The following FBN1 variants were observed in gnomAD, a reference collection of about 807,000 sequenced individuals.
The protein encoded by FBN1 is fibrillin 1.
A neutral mutation model predicts 365.1 loss-of-function variants in FBN1; 29 were observed. That is an observed-to-expected ratio of 0.08 (90% CI 0.06 to 0.11). The LOEUF is 0.11. Among genes scored for constraint, FBN1 ranks in the 10% least tolerant of loss-of-function variants. FBN1 has a pLI of 1.00. For synonymous variants in FBN1, 1,210 were observed against 1,270.5 expected, an observed-to-expected ratio of 0.95 and a Z score of 1.01; for missense variants, 2,476 against 3,703.2, an observed-to-expected ratio of 0.67 and a Z score of 8.60.
rs146044644 is a variant in FBN1, at chr15:48,516,233, G to A, written c.1277C>T (p.Pro426Leu). ...PPGFPPGPQI[P>L]VPRPPVEYLY... ...ATATTCCACTGGTGGTCGAGGGACC[G>A]GAATTTGAGGTCCAGGAGGAAAGCC... is the stretch of plus-strand genomic sequence containing the variant. Residue 426 changes from proline (P) to leucine (L), a missense_variant, in exon 11 of 66, where the codon CCG (proline) becomes CTG (leucine). Physicochemically the swap from Pro to Leu is moderately conservative, Grantham distance 98 (BLOSUM62 -3). This residue lies in a region of FBN1 where 421 missense variants were observed against 520.1 expected (regional missense o/e 0.81). Transcript: ENST00000316623. 21 of 1,613,754 alleles carry A rather than the reference G, an allele frequency of 1.3e-5. No homozygotes were observed. The East Asian group carries it at 2.2e-4, about 17-fold the overall frequency.
At chr15:48,490,216 C>A in intron 24 of FBN1, 138 bp from the exon 25 acceptor site, 1 of 779,766 alleles carries the variant, frequency 1.3e-6, no homozygotes, top group Admixed American at 2.3e-5. Context: ...TTTTATTCCT[C>A]AAAAAAAACC....
chr15:48,411,205 C>G lies in FBN1; in HGVS notation c.8401G>C (p.Asp2801His), dbSNP rs868087455. Residue 2801 changes from aspartate to histidine, a missense_variant, in exon 66 of 66, where the codon GAT (aspartate) becomes CAT (histidine). Around this residue, in one of 5 missense-constraint regions of FBN1, gnomAD observed 177 missense variants for 192.7 expected, o/e 0.92. Transcript: ENST00000316623. ...TTTTGGTTGATTTTAAAGAAGCCAT[C>G]TTCATTTCCAGATTCGATCAAGTAT... ...NRYLIESGNE[D>H]GFFKINQKEG... 3.1e-6 allele frequency: 5 copies of G among 1,614,156 alleles called. No individual in the cohort carries two copies. Among genetic ancestry groups the G allele is most frequent in the Non-Finnish European group, 4.2e-6 (5 of 1,180,006 alleles).
chr15:48,434,161 T>C (rs1314913793), intron 54 of FBN1, among the ~76,000 whole-genome samples: 1 of 152,186 alleles, frequency 6.6e-6, no homozygotes, highest in African/African-American at 2.4e-5. Flanking sequence ...TTTGCTGTGA[T>C]TGCCTCCAAA....
chr15:48,552,203 G>A (rs999368775), intron 6 of FBN1, among the ~76,000 whole-genome samples: 1 of 151,318 alleles, frequency 6.6e-6, no homozygotes, highest in African/African-American at 2.4e-5. Context: ...TTTAATAGGT[G>A]TTAGATGGTA....
At chr15:48,491,462 T>C (rs1410442040) in intron 24 of FBN1, among the ~76,000 whole-genome samples, 1 of 152,074 alleles carries the variant, frequency 6.6e-6, no homozygotes, top group Non-Finnish European at 1.5e-5. Flanking sequence ...GCCATTCTCC[T>C]GCCTCAGCCT....
intron 50 of FBN1, among the ~76,000 whole-genome samples, 199 bp downstream of exon 50, chr15:48,441,521 AC>A (rs2043114967): frequency 6.6e-6 from 1 of 152,140 alleles, no homozygotes; most frequent in African/African-American, 2.4e-5. Flanking sequence ...TGTATAAGCA[AC>A]CATAACTTGA....
In FBN1 at chr15:48,446,558, A is replaced by G. The variant is rs572575094; in HGVS notation, c.5788+148T>C. 350 of 694,550 alleles carry G rather than the reference A, an allele frequency of 5.0e-4. 10 individuals carry two copies. The highest frequency in any genetic ancestry group is 5.0e-3 in the South Asian group (324 of 65,176). 43.0% of individuals were successfully genotyped at this position (694,550 alleles called of 1,614,324 possible). On this transcript the variant is annotated intron_variant, in intron 47 of 65. Coordinates refer to ENST00000316623, the MANE Select transcript of FBN1 (RefSeq NM_000138.5). ...CTGTAATATATTTCATGTTGAGCAC[A>G]TTGTATTTGACAAGTCCCATAACCA...
At chr15:48,494,418 G>C (rs2043586762) in intron 22 of FBN1, among the ~76,000 whole-genome samples, 164 bp from the exon 23 acceptor site, 1 of 152,128 alleles carries the variant, frequency 6.6e-6, no homozygotes, top group Admixed American at 6.5e-5. Flanking sequence ...CGATTGCATA[G>C]GTGAGGAAGA....
At chr15:48,600,406 T>C (rs539717402) in intron 4 of FBN1, among the ~76,000 whole-genome samples, 172 bp from the exon 5 acceptor site, 1 of 152,330 alleles carries the variant, frequency 6.6e-6, no homozygotes, top group Non-Finnish European at 1.5e-5. Context: ...TATTTGTGTG[T>C]GTAAAATCAT....
intron 63 of FBN1, 110 bp downstream of exon 63, chr15:48,420,577 A>G (rs2042932448): frequency 7.0e-7 from 1 of 1,434,460 alleles, no homozygotes; most frequent in South Asian, 1.2e-5. Flanking sequence ...GCAATTTTAA[A>G]TGAGTATTTG....
chr15:48,511,837 T>C (rs958093529), intron 13 of FBN1, among the ~76,000 whole-genome samples: 2 of 152,216 alleles, frequency 1.3e-5, no homozygotes, highest in African/African-American at 2.4e-5. Context: ...GAGTTTATAC[T>C]GGCTGGTCCT....
At chr15:48,449,683 G>C (rs1185664857) in intron 45 of FBN1, among the ~76,000 whole-genome samples, 1 of 152,168 alleles carries the variant, frequency 6.6e-6, no homozygotes, top group Non-Finnish European at 1.5e-5. Flanking sequence ...AAAGCTCTAT[G>C]TTTAGAGTAA....
intron 23 of FBN1, among the ~76,000 whole-genome samples, chr15:48,493,362 G>A (rs1255636122): frequency 1.3e-5 from 2 of 152,098 alleles, no homozygotes; most frequent in African/African-American, 4.8e-5. Context: ...CATACACACT[G>A]TGTCTCTATT....
intron 7 of FBN1, 52 bp downstream of exon 7, chr15:48,537,559 C>T: frequency 6.2e-7 from 1 of 1,607,214 alleles, no homozygotes; most frequent in Non-Finnish European, 8.5e-7. Context: ...GAGAATGGCT[C>T]TCCAGAGCAA....
At chr15:48,435,469 A>T (rs1400839563) in intron 53 of FBN1, among the ~76,000 whole-genome samples, 1 of 152,074 alleles carries the variant, frequency 6.6e-6, no homozygotes, top group Non-Finnish European at 1.5e-5. Flanking sequence ...AAAAGACTAA[A>T]CTTACGTAAA....
At position 48,446,777 on chromosome 15, in the gene FBN1, C is replaced by T. The variant is rs774798866; in HGVS notation, c.5717G>A (p.Arg1906Gln). The T allele has an allele frequency of 1.1e-5, 18 of 1,613,082 alleles. No individual in the cohort carries two copies. The East Asian group carries it at 1.8e-4, about 16-fold the overall frequency. ...ERDACGNGTC[R>Q]NTIGSFNCRC... ...GCAGTTGAAGGAACCAATTGTGTTCCGGCAAGTTCCATTCCCACAGGCATC... is the reference window on the plus strand; with the variant it reads ...GCAGTTGAAGGAACCAATTGTGTTCTGGCAAGTTCCATTCCCACAGGCATC... Residue 1906 changes from arginine (R) to glutamine (Q), a missense_variant, in exon 47 of 66, where the codon CGG (arginine) becomes CAG (glutamine). This residue lies in a region of FBN1 where 1,780 missense variants were observed against 2,840.8 expected (regional missense o/e 0.63). Transcript: ENST00000316623.
chr15:48,575,953 A>T (rs2044343665), intron 6 of FBN1, among the ~76,000 whole-genome samples: 1 of 152,140 alleles, frequency 6.6e-6, no homozygotes, highest in African/African-American at 2.4e-5. Flanking sequence ...CAGAAAGTCC[A>T]CTTACTTCTT....
chr15:48,513,496 A>T, intron 13 of FBN1, 53 bp downstream of exon 13: 1 of 1,613,470 alleles, frequency 6.2e-7, no homozygotes, highest in South Asian at 1.1e-5. Context: ...TTTGAAGCCA[A>T]CCCCCAGTTA....
intron 6 of FBN1, among the ~76,000 whole-genome samples, chr15:48,539,807 T>A (rs1447581683): frequency 6.6e-6 from 1 of 152,206 alleles, no homozygotes; most frequent in Admixed American, 6.5e-5. Context: ...TTTTTTTTTT[T>A]ACTTTGTTTA....
Sources: allele counts gnomAD v4.1 joint callset (sites outside exome capture counted in the v4.1 genomes callset), GRCh38; gene constraint gnomAD v4.1.1; regional missense constraint gnomAD v4.1.1; transcripts MANE v1.5; gene names NCBI Gene and HGNC (gene_info 2026-07-23, HGNC 2026-07-21).